The following SLIT2 variants were observed in gnomAD, a reference collection of about 807,000 sequenced individuals.
SLIT2 encodes the protein slit guidance ligand 2.
A neutral mutation model predicts 185.7 loss-of-function variants in SLIT2; 41 were observed. That is an observed-to-expected ratio of 0.22 (90% CI 0.17 to 0.29). SLIT2 has a LOEUF of 0.29. Among genes scored for constraint, SLIT2 ranks in the 10% least tolerant of loss-of-function variants. The probability of loss-of-function intolerance (pLI) is 1.00; values close to 1 mark genes in which losing one functional copy is unlikely to be tolerated. For synonymous variants in SLIT2, 693 were observed against 680.2 expected (o/e 1.02, Z -0.29); for missense variants, 1,571 against 1,909.0 (o/e 0.82, Z 3.30).
chr4:20,321,825 C>T (rs1467312783), intron 4 of SLIT2, among the ~76,000 whole-genome samples: 2 of 152,128 alleles, frequency 1.3e-5, no homozygotes, highest in East Asian at 3.9e-4. Context: ...AATCTGATTC[C>T]TAAACTCATG....
At chr4:20,303,646 C>G in intron 4 of SLIT2, among the ~76,000 whole-genome samples, 1 of 152,290 alleles carries the variant, frequency 6.6e-6, no homozygotes, top group Non-Finnish European at 1.5e-5. Context: ...AATGGATAAA[C>G]AAACAACAGT....
intron 4 of SLIT2, among the ~76,000 whole-genome samples, chr4:20,297,386 C>T (rs1228027843): frequency 2.0e-5 from 3 of 152,158 alleles, no homozygotes; most frequent in Non-Finnish European, 2.9e-5. Context: ...ATGATTGCCT[C>T]AGAGTCTAGA....
chr4:20,540,579 A>G (rs16869735), intron 19 of SLIT2, among the ~76,000 whole-genome samples: 1,857 of 152,282 alleles, frequency 0.012, 38 homozygotes, highest in African/African-American at 0.042. Context: ...ATATGTCAGT[A>G]TCTAAAAAGC....
At chr4:20,331,186 A>G (rs1222239000) in intron 4 of SLIT2, among the ~76,000 whole-genome samples, 8 of 152,282 alleles carry the variant, frequency 5.3e-5, no homozygotes, top group African/African-American at 1.7e-4. Context: ...AGTAAATTTC[A>G]TAAAGATTTC....
At chr4:20,523,641 G>A (rs1186178243) in intron 12 of SLIT2, 119 bp from the exon 13 acceptor site, 1 of 746,102 alleles carries the variant, frequency 1.3e-6, no homozygotes, top group East Asian at 2.6e-5. Context: ...AAGTTAAAAT[G>A]TTAGTGTTGA....
At chr4:20,383,630 G>T (rs1033979642) in intron 4 of SLIT2, among the ~76,000 whole-genome samples, 4 of 152,058 alleles carry the variant, frequency 2.6e-5, no homozygotes, top group African/African-American at 9.7e-5. Flanking sequence ...TGCAAAAATG[G>T]TTCATTTATA....
chr4:20,260,613 A>G (rs2109014120), intron 3 of SLIT2, among the ~76,000 whole-genome samples: 1 of 151,820 alleles, frequency 6.6e-6, no homozygotes, highest in East Asian at 1.9e-4. Context: ...ATGGACTTTT[A>G]ACTTGATCTA....
At chr4:20,267,117 G>A (rs905060220) in intron 3 of SLIT2, among the ~76,000 whole-genome samples, 3 of 151,876 alleles carry the variant, frequency 2.0e-5, no homozygotes, top group South Asian at 2.1e-4. Context: ...TTGCAAATAT[G>A]TGTAATATAT....
At chr4:20,591,777 CT>C (rs1212693347) in intron 30 of SLIT2, among the ~76,000 whole-genome samples, 3 of 151,924 alleles carry the variant, frequency 2.0e-5, no homozygotes, top group African/African-American at 7.3e-5. Context: ...AACTGCTCAT[CT>C]GCTGAACAGA....
At position 20,486,385 on chromosome 4, in the gene SLIT2, A is replaced by T. The variant is rs1560467074; in HGVS notation, c.611+114A>T. On this transcript the variant is annotated intron_variant, in intron 7 of 36. Coordinates refer to ENST00000504154, the MANE Select transcript of SLIT2 (RefSeq NM_004787.4). ...CTGGTTTACAAGGTAGACAAGGAAA[A>T]CCCAACTTTGGAAAAGACTAGATAT... is the stretch of plus-strand genomic sequence containing the variant. 5 of 644,068 alleles carry T rather than the reference A, an allele frequency of 7.8e-6. No homozygotes were observed. The East Asian group carries it at 1.4e-4, about 17-fold the overall frequency. 39.9% of individuals were successfully genotyped at this position (644,068 alleles called of 1,614,324 possible). A position where few individuals can be genotyped will look rare whatever the true frequency, so the allele number is the denominator to read the frequency against.
intron 18 of SLIT2, among the ~76,000 whole-genome samples, chr4:20,538,478 A>G (rs1437984616): frequency 6.6e-6 from 1 of 152,212 alleles, no homozygotes; most frequent in Admixed American, 6.5e-5. Flanking sequence ...TTATAGGGCA[A>G]CCTAGAATTT....
At chr4:20,499,153 T>G (rs1427006831) in intron 9 of SLIT2, among the ~76,000 whole-genome samples, 1 of 152,206 alleles carries the variant, frequency 6.6e-6, no homozygotes, top group Non-Finnish European at 1.5e-5. Context: ...TTGAGCATTT[T>G]TTTGTTTGTT....
chr4:20,574,038 T>C (rs1725856007), intron 29 of SLIT2, among the ~76,000 whole-genome samples: 1 of 151,772 alleles, frequency 6.6e-6, no homozygotes, highest in Non-Finnish European at 1.5e-5. Flanking sequence ...CACTGCAAGC[T>C]CCACCTCCCA....
At chr4:20,445,807 T>C (rs546840934) in intron 4 of SLIT2, among the ~76,000 whole-genome samples, 80 of 152,300 alleles carry the variant, frequency 5.3e-4, no homozygotes, top group Non-Finnish European at 1.1e-3. Flanking sequence ...TTTTACCAAT[T>C]ACTACCTCTG....
chr4:20,354,070 A>C (rs1387374782), intron 4 of SLIT2, among the ~76,000 whole-genome samples: 1 of 152,222 alleles, frequency 6.6e-6, no homozygotes, highest in African/African-American at 2.4e-5. Context: ...CAGTGACTTA[A>C]GTATCCTTTC....
At chr4:20,264,099 A>G (rs894357082) in intron 3 of SLIT2, among the ~76,000 whole-genome samples, 1 of 152,040 alleles carries the variant, frequency 6.6e-6, no homozygotes, top group Middle Eastern at 3.4e-3. Context: ...TATTTTGCTA[A>G]TAAGTATTGA....
chr4:20,290,379 TAAC>T (rs1715678482), intron 4 of SLIT2, among the ~76,000 whole-genome samples: 1 of 152,176 alleles, frequency 6.6e-6, no homozygotes, highest in South Asian at 2.1e-4. Context: ...CTATACAGTA[TAAC>T]AACAATTTGC....
intron 7 of SLIT2, among the ~76,000 whole-genome samples, chr4:20,486,839 G>A (rs1250592589): frequency 6.7e-6 from 1 of 150,282 alleles, no homozygotes; most frequent in Non-Finnish European, 1.5e-5. Flanking sequence ...GCCCAGAGTA[G>A]CCTTTAAAAT....
At chr4:20,425,025 C>A (rs568130896) in intron 4 of SLIT2, among the ~76,000 whole-genome samples, 21 of 152,064 alleles carry the variant, frequency 1.4e-4, no homozygotes, top group African/African-American at 4.6e-4. Context: ...GTCTTTTTCC[C>A]AAAGGATGGT....
Sources: allele counts gnomAD v4.1 joint callset (sites outside exome capture counted in the v4.1 genomes callset), GRCh38; gene constraint gnomAD v4.1.1; transcripts MANE v1.5; gene names NCBI Gene and HGNC (gene_info 2026-07-23, HGNC 2026-07-21).